TMEM178B: variants seen among roughly 807,000 people sequenced by gnomAD.
The protein encoded by TMEM178B is transmembrane protein 178B.
Under a neutral mutation model 31.0 loss-of-function variants are expected in TMEM178B, and 5 were observed. That is an observed-to-expected ratio of 0.16 (90% CI 0.08 to 0.34). The LOEUF is 0.34. TMEM178B is among the 10% of genes least tolerant of loss of function. The pLI is 1.00. For synonymous variants in TMEM178B, 164 were observed against 164.0 expected (o/e 1.00, Z 0.00); for missense variants, 275 against 400.3 (o/e 0.69, Z 2.67).
chr7:141,104,409 G>A (rs1010663505), intron 1 of TMEM178B, among the ~76,000 whole-genome samples: 8 of 152,278 alleles, frequency 5.3e-5, no homozygotes, highest in Middle Eastern at 6.8e-3. Flanking sequence ...GAAGATGTGA[G>A]GAGGGAACTA....
intron 1 of TMEM178B, among the ~76,000 whole-genome samples, chr7:141,192,746 G>A (rs761702338): frequency 3.9e-5 from 6 of 152,284 alleles, no homozygotes; most frequent in East Asian, 1.9e-4. Context: ...GATTACAGGC[G>A]TGAGCCACTG....
At chr7:141,280,114 CT>C in intron 2 of TMEM178B, among the ~76,000 whole-genome samples, 1 of 152,276 alleles carries the variant, frequency 6.6e-6, no homozygotes, top group Middle Eastern at 3.4e-3. Flanking sequence ...TAAGAAATGT[CT>C]AGTATTGCAT....
In TMEM178B at chr7:141,171,189, A is replaced by G. The variant is rs1796344441; in HGVS notation, c.383-41402A>G. On this transcript the variant is annotated intron_variant, in intron 1 of 3. Coordinates refer to ENST00000565468, the MANE Select transcript of TMEM178B (RefSeq NM_001195278.2). The surrounding 1 kb of genome is among the most constrained non-coding windows in gnomAD (Gnocchi z 4.3). ...AAAAATAGGTTGGGTGCAGTGGCTC[A>G]TGCATGTAATTCCAGCACTTTGGGA... is the stretch of plus-strand genomic sequence containing the variant. Among the ~76,000 whole-genome samples, 1 of 152,114 alleles carries G rather than the reference A, an allele frequency of 6.6e-6. No individual in the cohort carries two copies. The highest frequency in any genetic ancestry group is 2.1e-4 in the South Asian group (1 of 4,832).
At chr7:141,494,126 C>T in the TMEM178B span, among the ~76,000 whole-genome samples, 1,551 of 152,230 alleles carry the variant, frequency 0.01, 25 homozygotes, top group African/African-American at 0.035. Flanking sequence ...GATTATGTGC[C>T]TTAAAATGAA....
intron 2 of TMEM178B, among the ~76,000 whole-genome samples, chr7:141,359,673 G>T (rs533560285): frequency 3.3e-5 from 5 of 152,250 alleles, no homozygotes; most frequent in African/African-American, 1.2e-4. Flanking sequence ...AGAATTGGGG[G>T]CTGTTTTTAT....
the TMEM178B span, among the ~76,000 whole-genome samples, chr7:141,489,477 C>T: frequency 2.6e-5 from 4 of 152,230 alleles, no homozygotes; most frequent in African/African-American, 9.6e-5. Flanking sequence ...CTGTTGTTAG[C>T]GATTTTGAAG....
rs554926822 is a variant in TMEM178B at position 141,092,634 on chromosome 7, A to G, written c.382+17942A>G. Among the ~76,000 whole-genome samples, 3 of 152,372 alleles carry G rather than the reference A, an allele frequency of 2.0e-5. 1 individual carries two copies. In the South Asian group the frequency reaches 6.2e-4, roughly 32 times the overall value. ...GGCTTAGGATGCAGTAGTTCACTAA[A>G]TAGGCAAAATCTTTTGCCTATATGG... On this transcript the variant is annotated intron_variant, in intron 1 of 3. Transcript: ENST00000565468.
chr7:141,390,323 C>T (rs945733450), intron 2 of TMEM178B, among the ~76,000 whole-genome samples: 2 of 152,160 alleles, frequency 1.3e-5, no homozygotes, highest in African/African-American at 4.8e-5. Flanking sequence ...GGCTCTAAGC[C>T]CCAGGCCTAC....
chr7:141,419,562 G>A (rs980040822), intron 2 of TMEM178B, among the ~76,000 whole-genome samples: 9 of 152,152 alleles, frequency 5.9e-5, no homozygotes, highest in African/African-American at 1.9e-4. Flanking sequence ...CTGCAGCCAT[G>A]GTCACCTTTC....
chr7:141,421,596 G>C lies in TMEM178B; in HGVS notation c.497-16012G>C, dbSNP rs116101983. On this transcript the variant is annotated intron_variant, in intron 2 of 3. Coordinates refer to ENST00000565468, the MANE Select transcript of TMEM178B (RefSeq NM_001195278.2). ...CTTCTAAGCTGCCTGCTTGGGGCAAGTTCCTTATGATCTCATGGGTAAAAG... is the reference window on the plus strand; with the variant it reads ...CTTCTAAGCTGCCTGCTTGGGGCAACTTCCTTATGATCTCATGGGTAAAAG... 7.7e-3 allele frequency among the ~76,000 whole-genome samples: 1,178 copies of C among 152,276 alleles called. 9 individuals are homozygous for C. Among genetic ancestry groups the C allele is most frequent in the African/African-American group, 0.024 (1,016 of 41,552 alleles).
At chr7:141,186,092 G>A (rs1024100123) in intron 1 of TMEM178B, among the ~76,000 whole-genome samples, 1 of 152,102 alleles carries the variant, frequency 6.6e-6, no homozygotes, top group African/African-American at 2.4e-5. Flanking sequence ...AAAGAAAAAT[G>A]GGGTTTGGGT....
chr7:141,313,588 GA>G (rs1365611644), intron 2 of TMEM178B, among the ~76,000 whole-genome samples: 2 of 152,154 alleles, frequency 1.3e-5, no homozygotes, highest in African/African-American at 4.8e-5. Context: ...AATTAGGAGA[GA>G]AAGTTCTATG....
intron 2 of TMEM178B, among the ~76,000 whole-genome samples, chr7:141,256,909 C>T (rs146997986): frequency 2.8e-3 from 427 of 152,262 alleles, no homozygotes; most frequent in Non-Finnish European, 4.9e-3. Context: ...TTGACATCCA[C>T]ATTGGGATGC....
rs1016822330 is a variant in TMEM178B, at chr7:141,472,731, C to T, written c.*1945C>T. On this transcript the variant is annotated 3_prime_UTR_variant, in exon 4 of 4. Coordinates refer to ENST00000565468, the MANE Select transcript of TMEM178B (RefSeq NM_001195278.2). ...CTTCCTACCACTCTCCTCCTTTTCT[C>T]ACCTACTAACCACTTACCTTCTCTC... The T allele has an allele frequency of 6.6e-6, 1 of 152,288 alleles. No individual in the cohort carries two copies. Among genetic ancestry groups the T allele is most frequent in the Non-Finnish European group, 1.5e-5 (1 of 68,078 alleles). 9.4% of individuals were successfully genotyped at this position (152,288 alleles called of 1,614,324 possible).
chr7:141,329,666 A>G (rs200557982), intron 2 of TMEM178B, among the ~76,000 whole-genome samples: 14 of 152,236 alleles, frequency 9.2e-5, no homozygotes, highest in Non-Finnish European at 4.4e-5. Context: ...TAGCCACTGC[A>G]GATGTGTTGG....
intron 3 of TMEM178B, among the ~76,000 whole-genome samples, 174 bp from the exon 4 acceptor site, chr7:141,470,361 AT>A: frequency 6.6e-6 from 1 of 152,296 alleles, no homozygotes; most frequent in South Asian, 2.1e-4. Flanking sequence ...TCTCTGCTCC[AT>A]GAATATTTCC....
intron 1 of TMEM178B, among the ~76,000 whole-genome samples, chr7:141,173,987 C>A (rs994103795): frequency 2.0e-5 from 3 of 152,122 alleles, no homozygotes; most frequent in Non-Finnish European, 4.4e-5. Context: ...ACTGTAAGTT[C>A]TGGGGTACAT....
At chr7:141,217,339 T>TG (rs1473771470) in intron 2 of TMEM178B, among the ~76,000 whole-genome samples, 1 of 151,614 alleles carries the variant, frequency 6.6e-6, no homozygotes, top group African/African-American at 2.4e-5. Flanking sequence ...TGATAGGGAG[T>TG]GGGGGGTCTG....
intron 2 of TMEM178B, among the ~76,000 whole-genome samples, chr7:141,268,000 T>A (rs1586860302): frequency 6.6e-6 from 1 of 152,242 alleles, no homozygotes; most frequent in East Asian, 1.9e-4. Flanking sequence ...TGGCTCTGTC[T>A]CCCATGCCAC....
Sources: gnomAD v4.1 joint callset for allele counts (sites outside exome capture counted in the v4.1 genomes callset) on GRCh38, gnomAD v4.1.1 for gene constraint, Gnocchi (gnomAD v3.1) non-coding constraint, MANE v1.5 for transcripts, NCBI Gene and HGNC (gene_info 2026-07-23, HGNC 2026-07-21) for gene names.